NRXN1: variants seen among roughly 807,000 people sequenced by gnomAD.
The protein encoded by NRXN1 is neurexin 1.
NRXN1 carries 39 observed loss-of-function variants against 150.9 expected under a neutral mutation model. The observed-to-expected ratio is 0.26, with a 90% CI of 0.20 to 0.34. The LOEUF is 0.34. Ranked by LOEUF, NRXN1 falls within the 10% of genes least tolerant of loss-of-function variation. NRXN1 has a pLI of 1.00. For synonymous variants in NRXN1, 924 were observed against 757.0 expected (o/e 1.22, Z -3.62); for missense variants, 1,815 against 1,949.9 (o/e 0.93, Z 1.30).
At chr2:50,166,279 A>G (rs1050893126) in intron 18 of NRXN1, among the ~76,000 whole-genome samples, 34 of 131,616 alleles carry the variant, frequency 2.6e-4, no homozygotes, top group Middle Eastern at 4.1e-3. Flanking sequence ...TACTCAACGT[A>G]TGTGTGTGTG....
chr2:50,248,415 G>C (rs1344322351), intron 17 of NRXN1, among the ~76,000 whole-genome samples: 1 of 152,100 alleles, frequency 6.6e-6, no homozygotes, highest in Non-Finnish European at 1.5e-5. Flanking sequence ...GATTTTGTTT[G>C]GCTATAAAAA....
intron 5 of NRXN1, among the ~76,000 whole-genome samples, chr2:50,891,727 A>G (rs1265126267): frequency 6.6e-6 from 1 of 152,100 alleles, no homozygotes; most frequent in African/African-American, 2.4e-5. Flanking sequence ...ATGATGATAC[A>G]GTTTCTCTTG....
intron 21 of NRXN1, among the ~76,000 whole-genome samples, chr2:49,972,354 A>G (rs1427576829): frequency 6.6e-6 from 1 of 152,202 alleles, no homozygotes; most frequent in Non-Finnish European, 1.5e-5. Flanking sequence ...AAAATCAACA[A>G]ATACTTAAAT....
intron 17 of NRXN1, among the ~76,000 whole-genome samples, chr2:50,446,632 T>G (rs539176761): frequency 6.6e-6 from 1 of 151,082 alleles, no homozygotes; most frequent in Non-Finnish European, 1.5e-5. Flanking sequence ...CTTCCTTCCT[T>G]TACTCTTCTT....
At chr2:50,574,021 T>C (rs550708067) in intron 8 of NRXN1, among the ~76,000 whole-genome samples, 2 of 152,210 alleles carry the variant, frequency 1.3e-5, no homozygotes, top group Admixed American at 1.3e-4. Flanking sequence ...ATATGTCTTG[T>C]TATTTGTGTT....
intron 2 of NRXN1, among the ~76,000 whole-genome samples, chr2:50,943,855 T>C (rs1254473250): frequency 1.3e-5 from 2 of 152,098 alleles, no homozygotes; most frequent in Admixed American, 6.6e-5. Context: ...AGAGAGAAAA[T>C]AATTTACTAT....
intron 17 of NRXN1, among the ~76,000 whole-genome samples, chr2:50,249,642 C>CT (rs35165216): frequency 6.0e-4 from 87 of 144,962 alleles, no homozygotes; most frequent in East Asian, 1.0e-3. Flanking sequence ...TCTTTCCTTT[C>CT]TTTTTTTTTT....
intron 21 of NRXN1, 50 bp downstream of exon 21, chr2:50,053,221 A>G (rs1693015432): frequency 6.3e-7 from 1 of 1,590,230 alleles, no homozygotes; most frequent in Non-Finnish European, 8.6e-7. Context: ...AAAGCCCACT[A>G]TCATAAATAA....
chr2:50,382,714 T>A (rs1206141666), intron 17 of NRXN1, among the ~76,000 whole-genome samples: 4 of 152,096 alleles, frequency 2.6e-5, no homozygotes. Context: ...CATCTGAAGT[T>A]CCCCATGGGC....
chr2:51,017,395 G>A (rs925817379), intron 2 of NRXN1, among the ~76,000 whole-genome samples: 2 of 149,640 alleles, frequency 1.3e-5, no homozygotes, highest in Non-Finnish European at 3.0e-5. Context: ...GAGTGCAGTG[G>A]CACAATAATA....
At chr2:50,865,673 T>G (rs1208454562) in intron 5 of NRXN1, among the ~76,000 whole-genome samples, 2 of 136,302 alleles carry the variant, frequency 1.5e-5, no homozygotes, top group East Asian at 2.1e-4. Flanking sequence ...TTTTTTTTTT[T>G]TTTTTTTTTT....
At position 49,943,762 on chromosome 2, in the gene NRXN1, T is replaced by C; in HGVS notation, c.4158A>G (p.Ala1386=). ...TGTCCTCATCATCGCTGGGACACTC[T>C]GCTGAGGCCACAAGGATGTCATCTG... ...QTTDDILVAS[A]ECPSDDEDID... Residue 1386 remains alanine (A), a synonymous_variant, in exon 22 of 23, where the codon GCA becomes GCG. Coordinates refer to ENST00000401669, the MANE Select transcript of NRXN1 (RefSeq NM_001330078.2). 1 of 1,612,236 alleles carries C rather than the reference T, an allele frequency of 6.2e-7. No individual in the cohort carries two copies. Among genetic ancestry groups the C allele is most frequent in the Non-Finnish European group, 8.5e-7 (1 of 1,179,128 alleles).
intron 19 of NRXN1, among the ~76,000 whole-genome samples, chr2:50,084,261 G>A (rs1009783245): frequency 1.9e-4 from 29 of 152,204 alleles, no homozygotes; most frequent in African/African-American, 6.5e-4. Context: ...ACTGGGTGCC[G>A]CGGAGCAGGG....
chr2:50,390,164 T>C (rs1204575960), intron 17 of NRXN1, among the ~76,000 whole-genome samples: 5 of 152,164 alleles, frequency 3.3e-5, no homozygotes, highest in Non-Finnish European at 5.9e-5. Flanking sequence ...TATGTTTTTA[T>C]AGAAATTTCA....
At chr2:50,878,376 T>C (rs184143036) in intron 5 of NRXN1, among the ~76,000 whole-genome samples, 109 of 152,004 alleles carry the variant, frequency 7.2e-4, no homozygotes, top group Non-Finnish European at 1.0e-3. Context: ...GGCTTTGGTA[T>C]TTTGTCAGGC....
intron 2 of NRXN1, among the ~76,000 whole-genome samples, chr2:50,945,877 G>GAT (rs72142854): frequency 0.038 from 5,224 of 138,460 alleles, 115 homozygotes; most frequent in Middle Eastern, 0.096. Flanking sequence ...CAGAAAAACA[G>GAT]ATATATATAT....
intron 21 of NRXN1, among the ~76,000 whole-genome samples, chr2:50,042,742 A>G (rs536318511): frequency 6.6e-6 from 1 of 152,254 alleles, no homozygotes; most frequent in South Asian, 2.1e-4. Flanking sequence ...AAAAAAACTT[A>G]AGGTTATAAT....
intron 16 of NRXN1, among the ~76,000 whole-genome samples, chr2:50,468,397 G>A (rs1204341682): frequency 6.6e-6 from 1 of 151,484 alleles, no homozygotes; most frequent in Non-Finnish European, 1.5e-5. Flanking sequence ...GACAATGCAT[G>A]CCTTTGCCTG....
At chr2:50,234,330 C>A (rs1413893719) in intron 18 of NRXN1, among the ~76,000 whole-genome samples, 15 of 152,014 alleles carry the variant, frequency 9.9e-5, no homozygotes, top group Admixed American at 9.8e-4. Flanking sequence ...CCCGTCTCTA[C>A]CGCATATACA....
Sources: gnomAD v4.1 joint callset for allele counts (sites outside exome capture counted in the v4.1 genomes callset) on GRCh38, gnomAD v4.1.1 for gene constraint, MANE v1.5 for transcripts, NCBI Gene and HGNC (gene_info 2026-07-23, HGNC 2026-07-21) for gene names.